DGKZ: variants seen among roughly 807,000 people sequenced by gnomAD.
The protein encoded by DGKZ is DAG kinase zeta.
A neutral mutation model predicts 142.5 loss-of-function variants in DGKZ; 45 were observed. That is an observed-to-expected ratio of 0.32 (90% confidence interval 0.25 to 0.40). The LOEUF (loss-of-function observed/expected upper bound fraction) is 0.40, where lower values mean the gene tolerates loss of function less well. Ranked by LOEUF, DGKZ falls within the 10% of genes least tolerant of loss-of-function variation. The pLI is 1.00. For missense variants in DGKZ, 755 were observed against 1,306.5 expected, an observed-to-expected ratio of 0.58 and a Z score of 6.51; for synonymous variants, 442 against 527.0, an observed-to-expected ratio of 0.84 and a Z score of 2.21.
chr11:46,333,412 C>G, exon 1 of DGKZ: 1 of 1,515,166 alleles, frequency 6.6e-7, no homozygotes, highest in South Asian at 1.2e-5. Flanking sequence ...CCCGAGGGTT[C>G]CCGGGGCACG....
intron 1 of DGKZ, chr11:46,366,050 T>A: frequency 1.0e-6 from 1 of 985,344 alleles, no homozygotes; most frequent in Non-Finnish European, 1.2e-6. Flanking sequence ...CCTGGGATCC[T>A]CACATGGAGG....
intron 1 of DGKZ, among the ~76,000 whole-genome samples, chr11:46,363,536 G>A (rs1001113350): frequency 7.9e-5 from 12 of 152,192 alleles, no homozygotes; most frequent in Non-Finnish European, 1.3e-4. Flanking sequence ...GTGTGGAGCC[G>A]GGCACCACAG....
At chr11:46,374,351 G>A in intron 15 of DGKZ, 48 bp from the exon 16 acceptor site, 1 of 1,613,168 alleles carries the variant, frequency 6.2e-7, no homozygotes, top group Non-Finnish European at 8.5e-7. Flanking sequence ...AACCCCACCT[G>A]GGCAGGCTGG....
intron 22 of DGKZ, 76 bp downstream of exon 22, chr11:46,376,221 C>T: frequency 1.2e-6 from 2 of 1,603,880 alleles, no homozygotes; most frequent in Non-Finnish European, 1.7e-6. Context: ...CCTCCCGCAG[C>T]CAGCTCGCCC....
Position 46,367,889 on chromosome 11 carries a change from G to C in DGKZ, c.367-113G>C, listed in dbSNP as rs533504277. On this transcript the variant is annotated intron_variant, in intron 3 of 30. Coordinates refer to ENST00000527911, the Ensembl canonical transcript of DGKZ. The surrounding 1 kb of genome is among the most constrained non-coding windows in gnomAD (Gnocchi z 4.1). ...GGTGAGGGGTGCAGGGGCTTTGTCC[G>C]GATGCCAGGACTGGGGCTTCCCAGT... is the stretch of plus-strand genomic sequence containing the variant. 1.3e-6 allele frequency: 2 copies of C among 1,517,416 alleles called. No individual in the cohort carries two copies. Among genetic ancestry groups the C allele is most frequent in the East Asian group, 4.5e-5 (2 of 44,234 alleles). 94.0% of individuals were successfully genotyped at this position (1,517,416 alleles called of 1,614,324 possible). A position where few individuals can be genotyped will look rare whatever the true frequency, so the allele number is the denominator to read the frequency against.
At chr11:46,369,827 C>A in intron 5 of DGKZ, 114 bp from the exon 6 acceptor site, 2 of 1,152,872 alleles carry the variant, frequency 1.7e-6, no homozygotes, top group Non-Finnish European at 1.3e-6. Context: ...TCCACTCATG[C>A]GCAGGACTGC....
At chr11:46,371,350 T>C (rs748811119) in exon 7 of DGKZ, 1 of 1,613,904 alleles carries the variant, frequency 6.2e-7, no homozygotes, top group Non-Finnish European at 8.5e-7. Flanking sequence ...AGCAAGGAGA[T>C]TGTGGCCATC....
intron 25 of DGKZ, 140 bp downstream of exon 25, chr11:46,377,352 G>A (rs1944666392): frequency 7.8e-6 from 11 of 1,409,952 alleles, no homozygotes; most frequent in South Asian, 3.1e-5. Flanking sequence ...CCCACCTGAC[G>A]GCCTTCAGCC....
At position 46,379,971 on chromosome 11, in the gene DGKZ, G is replaced by A. The variant is rs1488053199; in HGVS notation, c.*24G>A. On this transcript the variant is annotated 3_prime_UTR_variant, in exon 31 of 31. Coordinates refer to ENST00000527911, the Ensembl canonical transcript of DGKZ. ...AGCGGGCCGCCCACGGGCAGCAGGA[G>A]GGACAATGCGGCCAGGGGACGAGCG... 6 of 1,582,246 alleles carry A rather than the reference G, an allele frequency of 3.8e-6. No individual in the cohort carries two copies. In the Admixed American group the frequency reaches 8.9e-5, roughly 23 times the overall value.
intron 9 of DGKZ, 142 bp from the exon 10 acceptor site, chr11:46,371,933 C>T: frequency 8.2e-7 from 1 of 1,226,336 alleles, no homozygotes; most frequent in Admixed American, 2.0e-5. Flanking sequence ...CCAGTTTCTG[C>T]TCTGTGGCCT....
At chr11:46,351,299 C>T (rs772673876) in intron 1 of DGKZ, among the ~76,000 whole-genome samples, 1 of 152,170 alleles carries the variant, frequency 6.6e-6, no homozygotes, top group East Asian at 1.9e-4. Flanking sequence ...GCCTCAGAGC[C>T]CCTAGGAGCC....
chr11:46,347,830 G>T lies in DGKZ; in HGVS notation c.161+10G>T. On this transcript the variant is annotated intron_variant, in intron 1 of 30. Coordinates refer to ENST00000527911, the Ensembl canonical transcript of DGKZ. This position sits in a 1 kb window ranked among gnomAD's most constrained non-coding sequence, Gnocchi z 6.4. ...GGCTCTTCGGGCACAGGTGAGCGGG[G>T]CGGCGGCGGGGCAGGCACCGAGGCA... is the stretch of plus-strand genomic sequence containing the variant. 7.8e-7 allele frequency: 1 copy of T among 1,276,262 alleles called. No homozygotes were observed. The highest frequency in any genetic ancestry group is 3.2e-5 in the East Asian group (1 of 31,636). 79.1% of individuals were successfully genotyped at this position (1,276,262 alleles called of 1,614,324 possible).
intron 9 of DGKZ, 49 bp downstream of exon 9, chr11:46,371,824 C>G: frequency 6.3e-7 from 1 of 1,583,440 alleles, no homozygotes; most frequent in Non-Finnish European, 8.6e-7. Flanking sequence ...AGAGAGGGGT[C>G]TGTTGCTCAG....
chr11:46,355,624 A>T (rs926252998), intron 1 of DGKZ, among the ~76,000 whole-genome samples: 1 of 152,054 alleles, frequency 6.6e-6, no homozygotes, highest in African/African-American at 2.4e-5. Context: ...AGCTAAACCT[A>T]CTGTGAAGGC....
At chr11:46,338,518 A>G (rs1940122727) in intron 1 of DGKZ, 1 of 150,484 alleles carries the variant, frequency 6.6e-6, no homozygotes, top group Non-Finnish European at 1.5e-5. Context: ...AAAAAAAAAA[A>G]AAAAAGCACT....
exon 31 of DGKZ, chr11:46,380,279 G>A (rs1945070008): frequency 5.0e-6 from 1 of 201,126 alleles, no homozygotes; most frequent in African/African-American, 2.3e-5. Flanking sequence ...CTGGAGAGGG[G>A]GAGGCCTTCG....
intron 1 of DGKZ, among the ~76,000 whole-genome samples, chr11:46,341,981 C>T (rs1000258452): frequency 5.3e-5 from 8 of 152,068 alleles, no homozygotes; most frequent in Admixed American, 3.3e-4. Context: ...GCTGGCTGGG[C>T]GGGTTTTGAC....
At chr11:46,373,026 G>A in exon 14 of DGKZ, 2 of 1,541,622 alleles carry the variant, frequency 1.3e-6, no homozygotes, top group Non-Finnish European at 1.8e-6. Flanking sequence ...TGGTACAGCT[G>A]GACCGCTGGG....
intron 6 of DGKZ, 148 bp downstream of exon 6, chr11:46,370,157 C>G (rs921402188): frequency 3.2e-6 from 3 of 924,308 alleles, no homozygotes; most frequent in Non-Finnish European, 5.1e-6. Context: ...GCCTTCAGTT[C>G]TCAAGCACCC....
Sources: allele counts gnomAD v4.1 joint callset (sites outside exome capture counted in the v4.1 genomes callset), GRCh38; gene constraint gnomAD v4.1.1; non-coding constraint Gnocchi (gnomAD v3.1); transcripts MANE v1.5; gene names NCBI Gene and HGNC (gene_info 2026-07-23, HGNC 2026-07-21).